Variants in CAMTA1 observed in about 807,000 individuals in gnomAD.
The protein encoded by CAMTA1 is calmodulin binding transcription activator 1, also known as calmodulin-binding transcription activator 1.
Under a neutral mutation model 170.9 loss-of-function variants are expected in CAMTA1, and 27 were observed. The ratio of observed to expected loss-of-function variants is 0.16; its 90% CI spans 0.12 to 0.22. The LOEUF (loss-of-function observed/expected upper bound fraction) is 0.22. Ranked by LOEUF, CAMTA1 falls within the 10% of genes least tolerant of loss-of-function variation. The probability of loss-of-function intolerance (pLI) is 1.00; values close to 1 mark genes in which losing one functional copy is unlikely to be tolerated. For missense variants in CAMTA1, 1,619 were observed against 2,217.2 expected (o/e 0.73, Z 5.42); for synonymous variants, 833 against 891.5 (o/e 0.93, Z 1.17).
chr1:7,729,853 A>G (rs1304773132), intron 11 of CAMTA1, among the ~76,000 whole-genome samples: 1 of 152,276 alleles, frequency 6.6e-6, no homozygotes, highest in Non-Finnish European at 1.5e-5. Context: ...TTTCTCTCAC[A>G]TGGAACCGTC....
chr1:7,143,887 TC>T (rs987561543), intron 4 of CAMTA1, among the ~76,000 whole-genome samples: 2 of 152,236 alleles, frequency 1.3e-5, no homozygotes, highest in African/African-American at 4.8e-5. Flanking sequence ...TTTTTCCCCA[TC>T]CTTTAATTCT....
intron 3 of CAMTA1, among the ~76,000 whole-genome samples, chr1:6,957,868 C>A (rs1442234983): frequency 6.6e-6 from 1 of 152,214 alleles, no homozygotes; most frequent in East Asian, 1.9e-4. Flanking sequence ...GCCAGCTTGA[C>A]TTTTGTGCCC....
At chr1:6,806,638 C>T (rs1644540286) in intron 1 of CAMTA1, among the ~76,000 whole-genome samples, 1 of 152,126 alleles carries the variant, frequency 6.6e-6, no homozygotes, top group Non-Finnish European at 1.5e-5. Context: ...GAGCAAACAG[C>T]TCTTCCACGT....
intron 3 of CAMTA1, among the ~76,000 whole-genome samples, chr1:7,037,803 A>G (rs1206369793): frequency 1.3e-5 from 2 of 151,000 alleles, no homozygotes; most frequent in South Asian, 4.2e-4. Context: ...GCACCACTGC[A>G]CTCCAGCCTG....
chr1:7,719,480 A>G (rs74431318), intron 11 of CAMTA1, among the ~76,000 whole-genome samples: 60 of 152,346 alleles, frequency 3.9e-4, no homozygotes, highest in Non-Finnish European at 7.5e-4. Flanking sequence ...GGAAGAAGAA[A>G]TATGGATGCA....
At chr1:7,683,217 T>C (rs1023986941) in intron 11 of CAMTA1, among the ~76,000 whole-genome samples, 24 of 150,006 alleles carry the variant, frequency 1.6e-4, no homozygotes, top group African/African-American at 4.9e-4. Context: ...CAATGTACAC[T>C]GAGAACACAT....
chr1:7,687,604 C>T (rs567859484), intron 11 of CAMTA1, among the ~76,000 whole-genome samples: 6 of 152,288 alleles, frequency 3.9e-5, no homozygotes, highest in African/African-American at 1.4e-4. Flanking sequence ...ATCCACTGCT[C>T]GTTCAGCAGA....
At chr1:6,871,170 G>C (rs958146581) in intron 3 of CAMTA1, among the ~76,000 whole-genome samples, 8 of 152,140 alleles carry the variant, frequency 5.3e-5, no homozygotes, top group Admixed American at 6.5e-5. Flanking sequence ...TTAATTCTGT[G>C]TAATTCCAGT....
At chr1:6,802,933 CA>C (rs1277063720) in intron 1 of CAMTA1, among the ~76,000 whole-genome samples, 5 of 152,260 alleles carry the variant, frequency 3.3e-5, no homozygotes, top group East Asian at 1.9e-4. Flanking sequence ...TTAGTAGAGA[CA>C]GGGGTTTCAT....
At chr1:7,128,401 G>T (rs1222385195) in intron 4 of CAMTA1, among the ~76,000 whole-genome samples, 1 of 152,160 alleles carries the variant, frequency 6.6e-6, no homozygotes, top group Admixed American at 6.5e-5. Flanking sequence ...GTGACATTTA[G>T]CTAACACCTT....
rs914505108 is a variant in CAMTA1 at position 7,767,169 on chromosome 1, G to A, written c.*678G>A. 1 of 152,760 alleles carries A rather than the reference G, an allele frequency of 6.5e-6. No individual in the cohort carries two copies. Among genetic ancestry groups the A allele is most frequent in the Non-Finnish European group, 1.5e-5 (1 of 68,058 alleles). The allele number at this position is 152,760 out of a possible 1,614,324, so 9.5% of individuals were successfully genotyped here. ...AGAGGGGCAGGTGTGTGGTAAACGG[G>A]TAATGCATGGGAAATAATGAGAAGC... On this transcript the variant is annotated 3_prime_UTR_variant, in exon 23 of 23. Transcript: ENST00000303635.
At chr1:7,505,078 G>C (rs564245916) in intron 6 of CAMTA1, among the ~76,000 whole-genome samples, 5 of 152,070 alleles carry the variant, frequency 3.3e-5, no homozygotes, top group African/African-American at 1.2e-4. Flanking sequence ...TCAGTGTAGC[G>C]CACAGCCTCC....
chr1:7,365,989 CTA>C (rs1425509817), intron 5 of CAMTA1, among the ~76,000 whole-genome samples: 1 of 152,216 alleles, frequency 6.6e-6, no homozygotes, highest in Non-Finnish European at 1.5e-5. Flanking sequence ...TCACTTGGCA[CTA>C]TCACATGCCG....
chr1:7,541,426 G>A lies in CAMTA1; in HGVS notation c.510+73525G>A, dbSNP rs1045321546. Among the ~76,000 whole-genome samples, 17 of 152,320 alleles carry A rather than the reference G, an allele frequency of 1.1e-4. 1 individual carries two copies. The highest frequency in any genetic ancestry group is 4.1e-4 in the African/African-American group (17 of 41,556). ...GGTTGGGAGAAGGGTTGATATTATGGCCACAGGACTTGATTTGGTCAATAA... is the reference window on the plus strand; with the variant it reads ...GGTTGGGAGAAGGGTTGATATTATGACCACAGGACTTGATTTGGTCAATAA... On this transcript the variant is annotated intron_variant, in intron 6 of 22. Transcript: ENST00000303635.
intron 4 of CAMTA1, among the ~76,000 whole-genome samples, chr1:7,127,998 A>G (rs1426784070): frequency 6.6e-6 from 1 of 152,210 alleles, no homozygotes; most frequent in Non-Finnish European, 1.5e-5. Context: ...TATGCCGAGC[A>G]CTGGCTTTCC....
At chr1:7,698,596 C>T (rs1345224540) in intron 11 of CAMTA1, 4 of 152,312 alleles carry the variant, frequency 2.6e-5, no homozygotes, top group Admixed American at 6.5e-5. Flanking sequence ...GGGGCCCTGA[C>T]AGGTGCAGCT....
intron 5 of CAMTA1, among the ~76,000 whole-genome samples, chr1:7,255,873 A>G (rs779964291): frequency 5.3e-5 from 8 of 152,170 alleles, no homozygotes; most frequent in Non-Finnish European, 1.0e-4. Flanking sequence ...TTGGTTGTGC[A>G]TCTGGGACTT....
intron 3 of CAMTA1, among the ~76,000 whole-genome samples, chr1:6,949,173 C>A (rs1032336695): frequency 6.6e-6 from 1 of 152,184 alleles, no homozygotes; most frequent in African/African-American, 2.4e-5. Context: ...TAAATTGTTC[C>A]ATTTCAGCCC....
intron 4 of CAMTA1, among the ~76,000 whole-genome samples, chr1:7,154,320 A>G (rs1646745505): frequency 6.6e-6 from 1 of 152,112 alleles, no homozygotes; most frequent in African/African-American, 2.4e-5. Flanking sequence ...AGGTGCTATT[A>G]AGATCCTGGA....
Sources: gnomAD v4.1 joint callset for allele counts (sites outside exome capture counted in the v4.1 genomes callset) on GRCh38, gnomAD v4.1.1 for gene constraint, MANE v1.5 for transcripts, NCBI Gene and HGNC (gene_info 2026-07-23, HGNC 2026-07-21) for gene names.